The following EXOC4 variants were observed in gnomAD, a reference collection of about 807,000 sequenced individuals.
EXOC4 encodes SEC8-like 1.
Under a neutral mutation model 107.2 loss-of-function variants are expected in EXOC4, and 71 were observed. That is an observed-to-expected ratio of 0.66 (90% CI 0.55 to 0.81). The LOEUF (loss-of-function observed/expected upper bound fraction) is 0.81. EXOC4 is among the 30% of genes least tolerant of loss of function. EXOC4 has a pLI of 0.00. For missense variants in EXOC4, 1,108 were observed against 1,189.6 expected (o/e 0.93, Z 1.01); for synonymous variants, 456 against 441.2 (o/e 1.03, Z -0.42).
chr7:134,090,243 C>G, the EXOC4 span, among the ~76,000 whole-genome samples: 1 of 152,310 alleles, frequency 6.6e-6, no homozygotes, highest in South Asian at 2.1e-4. Context: ...ACCCTGAACC[C>G]AGGCCACCAT....
intron 9 of EXOC4, among the ~76,000 whole-genome samples, chr7:133,587,398 T>A (rs149827327): frequency 1.4e-3 from 216 of 152,324 alleles, no homozygotes; most frequent in Non-Finnish European, 2.0e-3. Context: ...AGGATGTTAG[T>A]GTCTTTGAGT....
chr7:133,948,872 A>C (rs1404798014), intron 14 of EXOC4, among the ~76,000 whole-genome samples: 1 of 152,220 alleles, frequency 6.6e-6, no homozygotes, highest in Non-Finnish European at 1.5e-5. Flanking sequence ...TGTCTGGAAA[A>C]ACAACATAAT....
intron 10 of EXOC4, among the ~76,000 whole-genome samples, chr7:133,805,702 G>A (rs1224831466): frequency 5.3e-5 from 8 of 152,146 alleles, no homozygotes; most frequent in African/African-American, 1.2e-4. Flanking sequence ...CTAAATAAAC[G>A]AACCAGCTTG....
chr7:133,387,909 C>T (rs985349342), intron 7 of EXOC4, among the ~76,000 whole-genome samples: 1 of 151,570 alleles, frequency 6.6e-6, no homozygotes, highest in African/African-American at 2.4e-5. Flanking sequence ...CATGTTTTCA[C>T]ACAGTTAAGT....
intron 11 of EXOC4, among the ~76,000 whole-genome samples, chr7:133,855,142 T>TATAAATATATATATAA (rs1798344985): frequency 7.7e-6 from 1 of 129,134 alleles, no homozygotes; most frequent in Non-Finnish European, 1.5e-5. Flanking sequence ...TATATATATA[T>TATAAATATATATATAA]AAATATATAT....
intron 9 of EXOC4, among the ~76,000 whole-genome samples, chr7:133,622,606 C>A (rs1802360941): frequency 1.3e-5 from 2 of 152,056 alleles, no homozygotes; most frequent in Admixed American, 1.3e-4. Context: ...CATACATGAT[C>A]ATTATATTTA....
chr7:133,750,306 G>A (rs1585120709), intron 10 of EXOC4, among the ~76,000 whole-genome samples: 1 of 152,008 alleles, frequency 6.6e-6, no homozygotes, highest in South Asian at 2.1e-4. Context: ...ATCTCGATGT[G>A]TTTAAGGATC....
Position 133,374,865 on chromosome 7 carries a change from T to A in EXOC4, c.1045T>A (p.Phe349Ile). ...ACTGCTGGAGTTACTGTTTGACAAG[T>A]TTAATGCTGTAGCCGCTGCACACTC... ...LELLELLFDK[F>I]NAVAAAHSVV... Residue 349 changes from phenylalanine (F) to isoleucine (I), a missense_variant, in exon 7 of 18, where the codon TTT (phenylalanine) becomes ATT (isoleucine). Physicochemically the swap from Phe to Ile is conservative, Grantham distance 21. Coordinates refer to ENST00000253861, the MANE Select transcript of EXOC4 (RefSeq NM_021807.4). 6.2e-7 allele frequency: 1 copy of A among 1,613,902 alleles called. No homozygotes were observed. Among genetic ancestry groups the A allele is most frequent in the Non-Finnish European group, 8.5e-7 (1 of 1,179,842 alleles).
chr7:133,569,128 GA>G (rs1017722610), intron 9 of EXOC4, among the ~76,000 whole-genome samples: 1 of 147,754 alleles, frequency 6.8e-6, no homozygotes, highest in Non-Finnish European at 1.5e-5. Flanking sequence ...CTCCCTTTGA[GA>G]AAAAAAAGAA....
chr7:133,884,222 T>C (rs1371442268), intron 11 of EXOC4, among the ~76,000 whole-genome samples: 2 of 152,196 alleles, frequency 1.3e-5, no homozygotes, highest in East Asian at 3.9e-4. Context: ...CATGACGTTT[T>C]ATTATGGGCT....
intron 14 of EXOC4, among the ~76,000 whole-genome samples, chr7:133,978,788 G>A (rs1777169542): frequency 1.3e-5 from 2 of 152,200 alleles, no homozygotes; most frequent in Admixed American, 6.5e-5. Context: ...TTCTGCCACT[G>A]TAAGAAGAGA....
chr7:133,453,480 A>C (rs1380575347), intron 7 of EXOC4, among the ~76,000 whole-genome samples: 1 of 152,192 alleles, frequency 6.6e-6, no homozygotes, highest in Non-Finnish European at 1.5e-5. Flanking sequence ...ATGTGTATTG[A>C]AAAATTTAAA....
intron 10 of EXOC4, among the ~76,000 whole-genome samples, chr7:133,712,272 T>G (rs1794908562): frequency 6.6e-6 from 1 of 151,828 alleles, no homozygotes; most frequent in Non-Finnish European, 1.5e-5. Flanking sequence ...AAACTCCATC[T>G]CTACTAAAAA....
chr7:133,987,158 A>G (rs990835598), intron 14 of EXOC4, among the ~76,000 whole-genome samples: 6 of 152,268 alleles, frequency 3.9e-5, no homozygotes, highest in South Asian at 2.1e-4. Context: ...AAAACTGAAG[A>G]TTAAAAATTA....
chr7:133,423,036 G>C (rs1471965558), intron 7 of EXOC4, among the ~76,000 whole-genome samples: 1 of 36,636 alleles, frequency 2.7e-5, no homozygotes, highest in Non-Finnish European at 4.5e-5. Context: ...GGCTAACAAG[G>C]TGAAACCCCG....
chr7:133,567,142 A>T (rs1800922106), intron 9 of EXOC4, among the ~76,000 whole-genome samples: 1 of 152,140 alleles, frequency 6.6e-6, no homozygotes, highest in South Asian at 2.1e-4. Context: ...CATGTTAAAC[A>T]TCTCCTTAAA....
chr7:133,329,329 T>A (rs1252057163), intron 5 of EXOC4, among the ~76,000 whole-genome samples: 4 of 152,198 alleles, frequency 2.6e-5, no homozygotes, highest in Non-Finnish European at 4.4e-5. Flanking sequence ...CTAACCCTTT[T>A]TCAAGGCTTT....
Position 133,567,259 on chromosome 7 carries a change from A to G in EXOC4, c.1418-62786A>G, listed in dbSNP as rs56768457. On this transcript the variant is annotated intron_variant, in intron 9 of 17. Transcript: ENST00000253861. Reference sequence around the variant, plus strand: ...TTTTGGCATATATAAGCAAATATATATATATATTCTTTTTTTTCCTGTTTT... The same window carrying G: ...TTTTGGCATATATAAGCAAATATATGTATATATTCTTTTTTTTCCTGTTTT... Among the ~76,000 whole-genome samples, 249 of 152,058 alleles carry G rather than the reference A, an allele frequency of 1.6e-3. 1 individual carries two copies. The highest frequency in any genetic ancestry group is 5.6e-3 in the African/African-American group (234 of 41,538).
chr7:133,658,244 T>C (rs981541648), intron 10 of EXOC4, among the ~76,000 whole-genome samples: 1 of 152,122 alleles, frequency 6.6e-6, no homozygotes, highest in Non-Finnish European at 1.5e-5. Flanking sequence ...TCTACCAGAT[T>C]ATGCCAGTAT....
Sources: gnomAD v4.1 joint callset for allele counts (sites outside exome capture counted in the v4.1 genomes callset) on GRCh38, gnomAD v4.1.1 for gene constraint, MANE v1.5 for transcripts, NCBI Gene and HGNC (gene_info 2026-07-23, HGNC 2026-07-21) for gene names.